Variants in CSGALNACT1 observed in about 807,000 individuals in gnomAD.
The protein encoded by CSGALNACT1 is chondroitin sulfate N-acetylgalactosaminyltransferase 1, also known as beta4GalNAcT-1.
Under a neutral mutation model 51.0 loss-of-function variants are expected in CSGALNACT1, and 52 were observed. The ratio of observed to expected loss-of-function variants is 1.02; its 90% CI spans 0.82 to 1.29. The LOEUF (loss-of-function observed/expected upper bound fraction) is 1.29. Ranked by LOEUF, CSGALNACT1 falls within the 50% of genes most tolerant of loss-of-function variation. The pLI is 0.00. For missense variants in CSGALNACT1, 935 were observed against 679.2 expected (o/e 1.38, Z -4.19); for synonymous variants, 341 against 254.4 (o/e 1.34, Z -3.24).
At chr8:19,442,663 T>C (rs2061509233) in intron 5 of CSGALNACT1, among the ~76,000 whole-genome samples, 1 of 149,808 alleles carries the variant, frequency 6.7e-6, no homozygotes, top group African/African-American at 2.5e-5. Flanking sequence ...GGCACATGTA[T>C]ACATATGTAA....
intron 6 of CSGALNACT1, among the ~76,000 whole-genome samples, chr8:19,424,489 G>A (rs187468208): frequency 6.6e-6 from 1 of 152,030 alleles, no homozygotes; most frequent in Admixed American, 6.5e-5. Context: ...GGACTGAACT[G>A]GAAAAACCAT....
intron 5 of CSGALNACT1, among the ~76,000 whole-genome samples, chr8:19,451,723 A>G (rs141667025): frequency 6.8e-6 from 1 of 147,540 alleles, no homozygotes; most frequent in African/African-American, 2.4e-5. Context: ...CTTCTGTCCA[A>G]GAAGACATAT....
chr8:19,550,608 G>A (rs146950972), intron 3 of CSGALNACT1, among the ~76,000 whole-genome samples: 247 of 151,984 alleles, frequency 1.6e-3, no homozygotes, highest in African/African-American at 5.6e-3. Flanking sequence ...TCTTGGTGAC[G>A]ATCCTCAAAT....
chr8:19,728,716 CTTG>C (rs2063535092), intron 1 of CSGALNACT1, among the ~76,000 whole-genome samples: 1 of 152,102 alleles, frequency 6.6e-6, no homozygotes, highest in Admixed American at 6.6e-5. Flanking sequence ...AAAAAGGTGG[CTTG>C]TTAATTCATT....
intron 4 of CSGALNACT1, among the ~76,000 whole-genome samples, chr8:19,479,184 T>G (rs1211538655): frequency 6.6e-6 from 1 of 152,240 alleles, no homozygotes; most frequent in African/African-American, 2.4e-5. Flanking sequence ...TGTGGAAAAG[T>G]TGTCTTCTGG....
chr8:19,638,487 A>C (rs1234935810), intron 1 of CSGALNACT1, among the ~76,000 whole-genome samples: 3 of 152,228 alleles, frequency 2.0e-5, no homozygotes, highest in African/African-American at 7.2e-5. Context: ...GGTTCTCAGC[A>C]GCATTACAAT....
chr8:19,658,173 G>A (rs1225151916), intron 1 of CSGALNACT1, among the ~76,000 whole-genome samples: 5 of 151,438 alleles, frequency 3.3e-5, no homozygotes, highest in Non-Finnish European at 7.4e-5. Flanking sequence ...TCATGAGGGT[G>A]TGCCCTTATA....
intron 1 of CSGALNACT1, among the ~76,000 whole-genome samples, chr8:19,614,786 G>A (rs1463448004): frequency 3.3e-5 from 5 of 152,214 alleles, no homozygotes; most frequent in African/African-American, 1.2e-4. Context: ...AAGAAGGAAA[G>A]TGACTAAAGA....
chr8:19,696,253 A>T lies in CSGALNACT1; in HGVS notation c.-297+61597T>A, dbSNP rs2061576921. Reference sequence around the variant, plus strand: ...CTGTCCCCAATCCAACTTACATTTTATGCAATTTGCCTCAAACACCACTGT... The same window carrying T: ...CTGTCCCCAATCCAACTTACATTTTTTGCAATTTGCCTCAAACACCACTGT... On this transcript the variant is annotated intron_variant, in intron 1 of 1. Coordinates refer to the CSGALNACT1 transcript ENST00000517494. 2.0e-5 allele frequency among the ~76,000 whole-genome samples: 3 copies of T among 152,326 alleles called. No homozygotes were observed. In the South Asian group the frequency reaches 6.2e-4, roughly 32 times the overall value.
exon 10 of CSGALNACT1, chr8:19,404,855 T>A (rs552767957): frequency 4.4e-6 from 2 of 454,564 alleles, no homozygotes; most frequent in East Asian, 1.4e-4. Context: ...TTTCCTCCAG[T>A]GTTCAGTTGC....
chr8:19,694,065 T>A (rs2061464142), intron 1 of CSGALNACT1, among the ~76,000 whole-genome samples: 1 of 152,190 alleles, frequency 6.6e-6, no homozygotes, highest in South Asian at 2.1e-4. Context: ...ACTATATACA[T>A]AATACTTATA....
intron 1 of CSGALNACT1, among the ~76,000 whole-genome samples, chr8:19,718,173 AC>A (rs777009471): frequency 5.7e-4 from 87 of 152,294 alleles, no homozygotes; most frequent in South Asian, 1.2e-3. Context: ...GCTCACTGCA[AC>A]CTCTACCTCC....
At chr8:19,702,717 A>T (rs922125383) in intron 1 of CSGALNACT1, among the ~76,000 whole-genome samples, 16 of 152,034 alleles carry the variant, frequency 1.1e-4, no homozygotes, top group South Asian at 2.1e-4. Flanking sequence ...TCTCCCATCC[A>T]TCACCCAGTT....
intron 1 of CSGALNACT1, among the ~76,000 whole-genome samples, chr8:19,752,754 T>C (rs2065120554): frequency 1.3e-5 from 2 of 152,204 alleles, no homozygotes; most frequent in African/African-American, 4.8e-5. Context: ...TGTGTGAAAA[T>C]GAAACAAATT....
Position 19,439,945 on chromosome 8 carries a change from C to T in CSGALNACT1, c.852-14G>A, listed in dbSNP as rs767730749. ...ATGCACATCTCCCTGGAAAACAAAA[C>T]ACATGCATGTCTGGCACCTGTTTTC... On this transcript the variant is annotated splice_polypyrimidine_tract_variant and intron_variant, in intron 5 of 9. Coordinates refer to ENST00000454498, the Ensembl canonical transcript of CSGALNACT1. 2 of 1,602,976 alleles carry T rather than the reference C, an allele frequency of 1.2e-6. No individual in the cohort carries two copies. Among genetic ancestry groups the T allele is most frequent in the Non-Finnish European group, 1.7e-6 (2 of 1,169,958 alleles).
chr8:19,667,258 C>CAAAAA (rs928798627), intron 1 of CSGALNACT1, among the ~76,000 whole-genome samples: 1 of 101,564 alleles, frequency 9.8e-6, no homozygotes. Context: ...CCATCTCTAC[C>CAAAAA]AAAAAAAAAA....
At chr8:19,464,323 C>T (rs941399969) in intron 4 of CSGALNACT1, among the ~76,000 whole-genome samples, 1 of 152,126 alleles carries the variant, frequency 6.6e-6, no homozygotes, top group Non-Finnish European at 1.5e-5. Context: ...TATGTGTTCA[C>T]AGCACCACTC....
chr8:19,565,282 C>T (rs1415207570), intron 3 of CSGALNACT1, among the ~76,000 whole-genome samples: 5 of 152,106 alleles, frequency 3.3e-5, no homozygotes, highest in Non-Finnish European at 5.9e-5. Context: ...ATCTGACTCC[C>T]AGATTGAGTA....
chr8:19,420,571 C>A, intron 6 of CSGALNACT1, 53 bp from the exon 6 acceptor site: 1 of 1,577,384 alleles, frequency 6.3e-7, no homozygotes, highest in Non-Finnish European at 8.7e-7. Flanking sequence ...TTGGCAGCAT[C>A]CCCTGAGAAA....
Sources: allele counts gnomAD v4.1 joint callset (sites outside exome capture counted in the v4.1 genomes callset), GRCh38; gene constraint gnomAD v4.1.1; transcripts MANE v1.5; gene names NCBI Gene and HGNC (gene_info 2026-07-23, HGNC 2026-07-21).